OR51B5: variants seen among roughly 807,000 people sequenced by gnomAD.
OR51B5 encodes the protein olfactory receptor 51B5.
For missense variants in OR51B5, 456 were observed against 374.6 expected (o/e 1.22, Z -1.79); for synonymous variants, 186 against 144.8 (o/e 1.28, Z -2.04).
At chr11:5,477,850 C>T (rs548425948) in intron 1 of OR51B5, among the ~76,000 whole-genome samples, 2 of 152,210 alleles carry the variant, frequency 1.3e-5, no homozygotes, top group Admixed American at 6.5e-5. Context: ...GCACCTGGCT[C>T]GGAGGGTCCT....
chr11:5,376,210 CT>C (rs1435879562), intron 1 of OR51B5, among the ~76,000 whole-genome samples: 14 of 152,014 alleles, frequency 9.2e-5, no homozygotes, highest in African/African-American at 3.4e-4. Context: ...TCCTGAATGA[CT>C]ACTGGGTACA....
chr11:5,369,780 T>C (rs1334894686), intron 1 of OR51B5, among the ~76,000 whole-genome samples: 1 of 152,174 alleles, frequency 6.6e-6, no homozygotes, highest in East Asian at 1.9e-4. Context: ...TGTAGCACTG[T>C]TATTTCCATG....
chr11:5,359,421 G>T (rs1345333214), intron 1 of OR51B5, among the ~76,000 whole-genome samples: 1 of 129,104 alleles, frequency 7.7e-6, no homozygotes, highest in Non-Finnish European at 1.7e-5. Flanking sequence ...AAATACCTAG[G>T]AATCCAACTT....
chr11:5,498,767 AG>A (rs1268160598), intron 1 of OR51B5, among the ~76,000 whole-genome samples: 3 of 152,200 alleles, frequency 2.0e-5, no homozygotes, highest in Admixed American at 6.5e-5. Flanking sequence ...TGTTCCTGAC[AG>A]GTCCCAGGTA....
At chr11:5,371,680 T>C (rs1003671439) in intron 1 of OR51B5, among the ~76,000 whole-genome samples, 3 of 152,166 alleles carry the variant, frequency 2.0e-5, no homozygotes, top group African/African-American at 7.2e-5. Context: ...TATGTGTACA[T>C]AGTGAGATGA....
At chr11:5,477,869 G>C (rs551536439) in intron 1 of OR51B5, among the ~76,000 whole-genome samples, 16 of 152,226 alleles carry the variant, frequency 1.1e-4, no homozygotes, top group Middle Eastern at 6.8e-3. Flanking sequence ...CTACGCCCAC[G>C]GAGTCTCCCT....
intron 1 of OR51B5, among the ~76,000 whole-genome samples, chr11:5,444,654 G>A (rs751648933): frequency 6.6e-6 from 1 of 152,134 alleles, no homozygotes; most frequent in Non-Finnish European, 1.5e-5. Context: ...CTATGCTGTG[G>A]GTACAGCTGG....
At chr11:5,340,423 A>AAGCAT (rs1848876247), downstream of OR51B5, 1 of 150,790 alleles carries the variant, frequency 6.6e-6, no homozygotes, top group African/African-American at 2.4e-5. Flanking sequence ...AAACATTGTC[A>AAGCAT]TTAACAATTC....
chr11:5,350,855 T>C (rs1188070177), intron 1 of OR51B5, among the ~76,000 whole-genome samples: 2 of 152,228 alleles, frequency 1.3e-5, no homozygotes, highest in Non-Finnish European at 1.5e-5. Flanking sequence ...AAGTCACTCT[T>C]ACGTCATTTT....
upstream of OR51B5, chr11:5,343,622 A>G (rs1193036469): frequency 1.1e-5 from 6 of 569,030 alleles, no homozygotes; most frequent in Non-Finnish European, 1.9e-5. Context: ...CATTCTCAGA[A>G]TTTTTTCCTA....
chr11:5,371,870 T>G (rs1849453467), intron 1 of OR51B5, among the ~76,000 whole-genome samples: 1 of 152,174 alleles, frequency 6.6e-6, no homozygotes, highest in Admixed American at 6.5e-5. Flanking sequence ...CCTATACAGC[T>G]GCAAGTTTAT....
intron 1 of OR51B5, chr11:5,454,778 T>C (rs1248263466): frequency 5.9e-6 from 1 of 168,930 alleles, no homozygotes; most frequent in Non-Finnish European, 1.3e-5. Context: ...TTATAAATTA[T>C]TTGTGTGTAT....
intron 1 of OR51B5, among the ~76,000 whole-genome samples, chr11:5,470,025 G>A (rs1851203719): frequency 1.3e-5 from 2 of 152,084 alleles, no homozygotes; most frequent in South Asian, 4.1e-4. Flanking sequence ...GACTCTCTTG[G>A]TTTTGCCTTT....
chr11:5,421,069 A>C (rs1424329530), intron 1 of OR51B5, among the ~76,000 whole-genome samples: 1 of 152,246 alleles, frequency 6.6e-6, no homozygotes, highest in East Asian at 1.9e-4. Flanking sequence ...TTCAAATCAC[A>C]TTCAACAAGC....
chr11:5,344,688 C>A (rs908417408), upstream of OR51B5, among the ~76,000 whole-genome samples: 1 of 152,170 alleles, frequency 6.6e-6, no homozygotes, highest in Non-Finnish European at 1.5e-5. Context: ...TTTCTTAGTT[C>A]ACCTAATATT....
intron 1 of OR51B5, among the ~76,000 whole-genome samples, chr11:5,488,221 T>G (rs561999135): frequency 6.6e-6 from 1 of 152,116 alleles, no homozygotes; most frequent in East Asian, 1.9e-4. Flanking sequence ...AATACAAAAT[T>G]AGAGATTACC....
At chr11:5,422,455 G>T in intron 1 of OR51B5, 2 of 1,614,178 alleles carry the variant, frequency 1.2e-6, no homozygotes, top group Non-Finnish European at 8.5e-7. Flanking sequence ...CAGTCATGCA[G>T]CTTCTCTGGT....
chr11:5,454,348 T>C (rs1393386754), intron 1 of OR51B5: 1 of 1,613,982 alleles, frequency 6.2e-7, no homozygotes, highest in African/African-American at 1.3e-5. Flanking sequence ...CCTCCTGTGC[T>C]CAACCCTCTC....
rs915634818 is a variant in OR51B5, at chr11:5,486,994, C to T, written n.84+18575G>A. Among the ~76,000 whole-genome samples the T allele has an allele frequency of 6.6e-5, 10 of 152,146 alleles. No individual in the cohort carries two copies. In the East Asian group the frequency reaches 9.7e-4, roughly 15 times the overall value. On this transcript the variant is annotated intron_variant and non_coding_transcript_variant, in intron 1 of 4. Coordinates refer to the OR51B5 transcript ENST00000415970. Reference sequence around the variant, plus strand: ...GATAATGAGTAAAGATACTTCAGCACTAGGAATTGATATTAGACAAAAAAG... The same window carrying T: ...GATAATGAGTAAAGATACTTCAGCATTAGGAATTGATATTAGACAAAAAAG...
Sources: gnomAD v4.1 joint callset for allele counts (sites outside exome capture counted in the v4.1 genomes callset) on GRCh38, gnomAD v4.1.1 for gene constraint, MANE v1.5 for transcripts, NCBI Gene and HGNC (gene_info 2026-07-23, HGNC 2026-07-21) for gene names.